HDAC9: variants seen among roughly 807,000 people sequenced by gnomAD.
HDAC9 encodes MEF-2 interacting transcription repressor (MITR) protein.
HDAC9 carries 41 observed loss-of-function variants against 139.4 expected under a neutral mutation model. That is an observed-to-expected ratio of 0.29 (90% CI 0.23 to 0.38). The LOEUF (loss-of-function observed/expected upper bound fraction) is 0.38. HDAC9 is among the 10% of genes least tolerant of loss of function. HDAC9 has a pLI of 1.00. For missense variants in HDAC9, 1,147 were observed against 1,297.0 expected (o/e 0.88, Z 1.78); for synonymous variants, 517 against 476.2 (o/e 1.09, Z -1.12).
chr7:18,760,387 C>G (rs1267385094), intron 14 of HDAC9, among the ~76,000 whole-genome samples: 1 of 152,030 alleles, frequency 6.6e-6, no homozygotes, highest in African/African-American at 2.4e-5. Context: ...TTCTGGTCTC[C>G]CATAAACTTT....
intron 12 of HDAC9, among the ~76,000 whole-genome samples, chr7:18,701,787 T>C (rs1478902430): frequency 4.6e-5 from 7 of 152,256 alleles, no homozygotes; most frequent in Admixed American, 4.6e-4. Flanking sequence ...ATCTGTGATG[T>C]CTTGTACATA....
At chr7:18,728,940 C>T (rs923074508) in intron 13 of HDAC9, among the ~76,000 whole-genome samples, 1 of 152,108 alleles carries the variant, frequency 6.6e-6, no homozygotes, top group Non-Finnish European at 1.5e-5. Context: ...TTTCTTTCTC[C>T]GTACTAGCCA....
At chr7:18,896,020 G>C (rs1801165225) in intron 22 of HDAC9, among the ~76,000 whole-genome samples, 1 of 152,046 alleles carries the variant, frequency 6.6e-6, no homozygotes, top group African/African-American at 2.4e-5. Context: ...ATCTCAAAAA[G>C]GAGCAGCTGC....
intron 22 of HDAC9, among the ~76,000 whole-genome samples, chr7:18,909,092 C>T (rs757473742): frequency 7.2e-5 from 11 of 152,062 alleles, no homozygotes; most frequent in Middle Eastern, 3.4e-3. Context: ...CCATTCTAAC[C>T]GGGGTGAAGC....
chr7:18,706,835 G>A (rs79561142), intron 12 of HDAC9, among the ~76,000 whole-genome samples: 333 of 152,304 alleles, frequency 2.2e-3, no homozygotes, highest in Admixed American at 5.4e-3. Context: ...TAAATCAACC[G>A]ATGACAGCTT....
intron 2 of HDAC9, among the ~76,000 whole-genome samples, chr7:18,574,396 G>C (rs1414173106): frequency 6.6e-6 from 1 of 152,254 alleles, no homozygotes; most frequent in African/African-American, 2.4e-5. Context: ...ATGCGCTTCA[G>C]AGGAGGGGAA....
chr7:18,781,308 G>T (rs917726467), intron 16 of HDAC9, among the ~76,000 whole-genome samples: 2 of 151,990 alleles, frequency 1.3e-5, no homozygotes, highest in African/African-American at 4.8e-5. Flanking sequence ...TTAATGTCCA[G>T]GGTTGGCTTT....
intron 1 of HDAC9, among the ~76,000 whole-genome samples, chr7:18,348,899 A>G (rs1424396734): frequency 3.3e-5 from 5 of 152,136 alleles, no homozygotes; most frequent in Admixed American, 6.5e-5. Flanking sequence ...AGGTATTATG[A>G]CTATTTAAAT....
upstream of HDAC9, among the ~76,000 whole-genome samples, chr7:18,289,905 G>T (rs950828189): frequency 1.3e-5 from 2 of 152,012 alleles, no homozygotes; most frequent in Non-Finnish European, 2.9e-5. Context: ...ACTTTGCCCT[G>T]TGTTTTAATT....
chr7:18,151,050 C>T (rs1786742394), intron 1 of HDAC9, among the ~76,000 whole-genome samples: 1 of 151,884 alleles, frequency 6.6e-6, no homozygotes, highest in Non-Finnish European at 1.5e-5. Context: ...TATTTTAATA[C>T]ATGCATATAT....
chr7:18,685,088 T>C (rs574691720), intron 12 of HDAC9, among the ~76,000 whole-genome samples: 10 of 152,038 alleles, frequency 6.6e-5, no homozygotes, highest in Non-Finnish European at 1.5e-4. Context: ...GGAGAGAAAC[T>C]GTCCTCCACC....
At chr7:18,876,160 TTA>T (rs1799304627) in intron 22 of HDAC9, among the ~76,000 whole-genome samples, 1 of 152,194 alleles carries the variant, frequency 6.6e-6, no homozygotes, top group African/African-American at 2.4e-5. Flanking sequence ...CTTTTGGCCA[TTA>T]GGTATAGGAG....
intron 15 of HDAC9, among the ~76,000 whole-genome samples, chr7:18,764,063 T>C (rs1001407524): frequency 3.2e-4 from 48 of 152,172 alleles, no homozygotes; most frequent in Non-Finnish European, 2.4e-4. Context: ...AATTTGACTC[T>C]TTTGAACAAA....
intron 1 of HDAC9, among the ~76,000 whole-genome samples, chr7:18,146,880 TAGAC>T (rs1786379161): frequency 6.6e-6 from 1 of 152,192 alleles, no homozygotes; most frequent in African/African-American, 2.4e-5. Flanking sequence ...CTGGGGGCGT[TAGAC>T]AGACATTGTC....
chr7:18,744,074 C>A (rs1219621173), intron 13 of HDAC9, among the ~76,000 whole-genome samples: 1 of 134,182 alleles, frequency 7.5e-6, no homozygotes, highest in Non-Finnish European at 1.5e-5. Flanking sequence ...TGGAGTGCAA[C>A]AGCACTCCCA....
intron 12 of HDAC9, among the ~76,000 whole-genome samples, chr7:18,695,717 C>T (rs943263591): frequency 3.3e-5 from 5 of 152,108 alleles, no homozygotes; most frequent in Admixed American, 3.3e-4. Flanking sequence ...CTTATCCTCA[C>T]CTGAACTTTC....
intron 23 of HDAC9, among the ~76,000 whole-genome samples, chr7:18,942,382 G>C (rs1782085470): frequency 1.3e-5 from 2 of 151,972 alleles, no homozygotes; most frequent in South Asian, 4.1e-4. Flanking sequence ...TTTTGTTTTT[G>C]GTAGAGGAGA....
intron 1 of HDAC9, among the ~76,000 whole-genome samples, chr7:18,103,685 A>G (rs1451564581): frequency 2.0e-5 from 3 of 152,176 alleles, no homozygotes; most frequent in Non-Finnish European, 2.9e-5. Context: ...CTGCGACCTT[A>G]AGTGAAATGA....
rs144680271 is a variant in HDAC9, at chr7:18,960,355, G to A, written c.3022+6125G>A. ...GTTTTGTATATGTGTTTTTGAGTGA[G>A]TGATGTCTTGCTTCTCCTCCTCTTC... On this transcript the variant is annotated intron_variant, in intron 24 of 25. Coordinates refer to ENST00000686413, the MANE Select transcript of HDAC9 (RefSeq NM_178425.4). Among the ~76,000 whole-genome samples the A allele has an allele frequency of 3.1e-3, 470 of 152,194 alleles. 1 individual carries two copies. Among genetic ancestry groups the A allele is most frequent in the Admixed American group, 9.2e-3 (140 of 15,266 alleles).
Sources: allele counts gnomAD v4.1 joint callset (sites outside exome capture counted in the v4.1 genomes callset), GRCh38; gene constraint gnomAD v4.1.1; transcripts MANE v1.5; gene names NCBI Gene and HGNC (gene_info 2026-07-23, HGNC 2026-07-21).